The following RAB3C variants were observed in gnomAD, a reference collection of about 807,000 sequenced individuals.
RAB3C encodes ras-related protein Rab-3C.
A neutral mutation model predicts 26.4 loss-of-function variants in RAB3C; 17 were observed. The observed-to-expected ratio is 0.64, with a 90% confidence interval of 0.44 to 0.97. The LOEUF (loss-of-function observed/expected upper bound fraction) is 0.97. Among genes scored for constraint, RAB3C ranks in the 50% least tolerant of loss-of-function variants. RAB3C has a pLI of 0.00. For missense variants in RAB3C, 242 were observed against 281.9 expected, an observed-to-expected ratio of 0.86 and a Z score of 1.01; for synonymous variants, 91 against 95.9, an observed-to-expected ratio of 0.95 and a Z score of 0.30.
At chr5:58,833,963 T>A (rs924956903) in intron 4 of RAB3C, among the ~76,000 whole-genome samples, 2 of 152,208 alleles carry the variant, frequency 1.3e-5, no homozygotes, top group African/African-American at 4.8e-5. Flanking sequence ...TTCTTTTTAA[T>A]GAAATCGAAA....
intron 3 of RAB3C, among the ~76,000 whole-genome samples, chr5:58,727,466 A>G (rs1201150460): frequency 6.6e-6 from 1 of 152,062 alleles, no homozygotes; most frequent in Non-Finnish European, 1.5e-5. Context: ...TGTTGTAAAT[A>G]CACCAGTATT....
chr5:58,810,468 T>G (rs7728528), intron 3 of RAB3C, among the ~76,000 whole-genome samples: 25,472 of 151,830 alleles, frequency 0.17, 3,700 homozygotes, highest in African/African-American at 0.39. Context: ...ATCATTACTA[T>G]TTAATATGAT....
chr5:58,840,712 A>G (rs577310313), intron 4 of RAB3C, among the ~76,000 whole-genome samples: 2 of 152,302 alleles, frequency 1.3e-5, no homozygotes, highest in East Asian at 3.9e-4. Context: ...TTCTTCAGCT[A>G]TAATCCATAC....
chr5:58,634,521 C>A (rs1241566794), intron 2 of RAB3C, among the ~76,000 whole-genome samples: 1 of 152,150 alleles, frequency 6.6e-6, no homozygotes, highest in Non-Finnish European at 1.5e-5. Flanking sequence ...ATAAAACATG[C>A]AATTCATTTA....
intron 2 of RAB3C, chr5:58,647,554 C>T (rs906374064): frequency 6.6e-6 from 1 of 152,324 alleles, no homozygotes; most frequent in Non-Finnish European, 1.5e-5. Context: ...AGTGGGGACA[C>T]AGCCAAACCA....
At chr5:58,615,584 T>C (rs376304623) in intron 1 of RAB3C, among the ~76,000 whole-genome samples, 2 of 152,266 alleles carry the variant, frequency 1.3e-5, no homozygotes, top group East Asian at 3.9e-4. Flanking sequence ...CTTTTGCCCT[T>C]TGGCCGGCAT....
At chr5:58,753,010 A>G (rs1005238796) in intron 3 of RAB3C, among the ~76,000 whole-genome samples, 8 of 152,028 alleles carry the variant, frequency 5.3e-5, no homozygotes, top group African/African-American at 1.9e-4. Context: ...AATGAAAAGG[A>G]ATTATTAAAA....
intron 2 of RAB3C, among the ~76,000 whole-genome samples, chr5:58,624,592 A>G (rs1747013527): frequency 6.6e-6 from 1 of 152,232 alleles, no homozygotes; most frequent in South Asian, 2.1e-4. Flanking sequence ...CTAATCTTTA[A>G]TCAGCTTCAT....
chr5:58,636,489 A>G (rs1054697472), intron 2 of RAB3C, among the ~76,000 whole-genome samples: 13 of 151,770 alleles, frequency 8.6e-5, no homozygotes, highest in African/African-American at 3.1e-4. Context: ...CTGCCCCTTT[A>G]TTTACTTTTG....
At chr5:58,836,543 C>A (rs756760604) in intron 4 of RAB3C, among the ~76,000 whole-genome samples, 1 of 152,180 alleles carries the variant, frequency 6.6e-6, no homozygotes, top group Non-Finnish European at 1.5e-5. Flanking sequence ...CCTTCCCCCA[C>A]ACCCTTCTCA....
chr5:58,617,379 TTTGA>T (rs1746845639), intron 1 of RAB3C: 1 of 653,722 alleles, frequency 1.5e-6, no homozygotes, highest in South Asian at 1.6e-5. Flanking sequence ...CTTTGGTGTC[TTTGA>T]TTGGTTCTGA....
intron 3 of RAB3C, among the ~76,000 whole-genome samples, chr5:58,811,487 T>C (rs1336576534): frequency 6.6e-6 from 1 of 151,950 alleles, no homozygotes; most frequent in Non-Finnish European, 1.5e-5. Flanking sequence ...AAATGTCGTG[T>C]TGAAAGGAAA....
chr5:58,813,153 G>T (rs1266325177), intron 3 of RAB3C, among the ~76,000 whole-genome samples: 1 of 152,088 alleles, frequency 6.6e-6, no homozygotes, highest in African/African-American at 2.4e-5. Context: ...ATTTTAAAAG[G>T]TTGTTGTAAG....
intron 2 of RAB3C, among the ~76,000 whole-genome samples, chr5:58,687,498 C>A (rs1385114692): frequency 1.3e-5 from 2 of 151,902 alleles, no homozygotes; most frequent in Non-Finnish European, 2.9e-5. Flanking sequence ...TAAAGAAAAC[C>A]CAGTAAACGT....
At chr5:58,626,222 C>A (rs577636068) in intron 2 of RAB3C, among the ~76,000 whole-genome samples, 2 of 152,056 alleles carry the variant, frequency 1.3e-5, no homozygotes, top group Non-Finnish European at 2.9e-5. Flanking sequence ...TTCTTATAAA[C>A]CATGTTCATT....
At chr5:58,659,466 TA>T (rs1474426986) in intron 2 of RAB3C, among the ~76,000 whole-genome samples, 1 of 152,142 alleles carries the variant, frequency 6.6e-6, no homozygotes, top group Non-Finnish European at 1.5e-5. Flanking sequence ...AGAGGAAAAA[TA>T]AGCAATCTTT....
intron 2 of RAB3C, among the ~76,000 whole-genome samples, chr5:58,715,361 T>C (rs1749148911): frequency 6.6e-6 from 1 of 151,828 alleles, no homozygotes; most frequent in South Asian, 2.1e-4. Context: ...AAATCTTAGG[T>C]GATTTTTTTT....
At chr5:58,723,852 C>G (rs1464257566) in intron 2 of RAB3C, among the ~76,000 whole-genome samples, 1 of 151,696 alleles carries the variant, frequency 6.6e-6, no homozygotes, top group African/African-American at 2.4e-5. Flanking sequence ...ATATTTCTGT[C>G]CAAACTGCTA....
At chr5:58,658,221 T>G (rs944404417) in intron 2 of RAB3C, among the ~76,000 whole-genome samples, 3 of 152,212 alleles carry the variant, frequency 2.0e-5, no homozygotes, top group African/African-American at 7.2e-5. Context: ...TAGGACAGAC[T>G]AAAACCTAAA....
Sources: gnomAD v4.1 joint callset for allele counts (sites outside exome capture counted in the v4.1 genomes callset) on GRCh38, gnomAD v4.1.1 for gene constraint, MANE v1.5 for transcripts, NCBI Gene and HGNC (gene_info 2026-07-23, HGNC 2026-07-21) for gene names.